Variants in CERS6 observed in about 807,000 individuals in gnomAD.
CERS6 encodes LAG1 homolog, ceramide synthase 6.
In CERS6, 26 loss-of-function variants were observed where a neutral mutation model predicts 56.8. That is an observed-to-expected ratio of 0.46 (90% CI 0.34 to 0.63). The LOEUF is 0.63. Among genes scored for constraint, CERS6 ranks in the 30% least tolerant of loss-of-function variants. The pLI is 0.01. For missense variants in CERS6, 415 were observed against 467.5 expected, an observed-to-expected ratio of 0.89 and a Z score of 1.04; for synonymous variants, 164 against 173.3, an observed-to-expected ratio of 0.95 and a Z score of 0.42.
At chr2:168,641,830 C>T (rs893240409) in intron 4 of CERS6, among the ~76,000 whole-genome samples, 5 of 151,726 alleles carry the variant, frequency 3.3e-5, no homozygotes, top group African/African-American at 4.8e-5. Context: ...CCTCATACCC[C>T]GCATGAATCT....
intron 8 of CERS6, among the ~76,000 whole-genome samples, chr2:168,760,762 A>ATTTTTTTTTTT (rs869287261): frequency 8.7e-5 from 11 of 125,780 alleles, no homozygotes; most frequent in African/African-American, 2.9e-4. Flanking sequence ...TTATTTATTT[A>ATTTTTTTTTTT]TTTATTTTTT....
At chr2:168,463,738 T>C (rs1693818966) in intron 1 of CERS6, among the ~76,000 whole-genome samples, 1 of 152,040 alleles carries the variant, frequency 6.6e-6, no homozygotes, top group African/African-American at 2.4e-5. Flanking sequence ...CAAAACCCCG[T>C]CTTTACAAAA....
chr2:168,737,474 T>C (rs1283891955), intron 8 of CERS6, among the ~76,000 whole-genome samples: 1 of 152,226 alleles, frequency 6.6e-6, no homozygotes, highest in African/African-American at 2.4e-5. Flanking sequence ...CATGGGAAAT[T>C]CATTAGGGGT....
At chr2:168,565,096 A>G (rs717037) in intron 3 of CERS6, among the ~76,000 whole-genome samples, 7,183 of 152,298 alleles carry the variant, frequency 0.047, 566 homozygotes, top group African/African-American at 0.16. Flanking sequence ...CTCCATGACA[A>G]TTTTAAAGAC....
At chr2:168,681,225 C>T (rs952314885) in intron 4 of CERS6, among the ~76,000 whole-genome samples, 11 of 152,214 alleles carry the variant, frequency 7.2e-5, no homozygotes, top group Non-Finnish European at 1.5e-5. Context: ...TATCACTCTA[C>T]TGAGTGCAAG....
intron 8 of CERS6, among the ~76,000 whole-genome samples, chr2:168,752,661 G>A (rs1684308129): frequency 6.6e-6 from 1 of 152,166 alleles, no homozygotes; most frequent in African/African-American, 2.4e-5. Context: ...CTTGCTAAGC[G>A]ATCTCCGTAG....
At chr2:168,648,253 TATGTGTCCAGAAGAG>T (rs1480866330) in intron 4 of CERS6, among the ~76,000 whole-genome samples, 1 of 152,088 alleles carries the variant, frequency 6.6e-6, no homozygotes, top group Non-Finnish European at 1.5e-5. Flanking sequence ...TTGGCGGGTA[TATGTGTCCAGAAGAG>T]ATGTGTCCAT....
chr2:168,486,225 C>T (rs763197714), intron 1 of CERS6, among the ~76,000 whole-genome samples: 6 of 152,078 alleles, frequency 3.9e-5, no homozygotes, highest in Non-Finnish European at 8.8e-5. Context: ...GAGTTCTTTG[C>T]ATATTTTGGA....
intron 4 of CERS6, among the ~76,000 whole-genome samples, chr2:168,651,420 G>A (rs1217174836): frequency 6.6e-6 from 1 of 152,158 alleles, no homozygotes; most frequent in African/African-American, 2.4e-5. Context: ...AAGCAAAGGG[G>A]AAATAGAAGA....
At chr2:168,605,908 G>C (rs746045920) in intron 3 of CERS6, among the ~76,000 whole-genome samples, 1 of 152,220 alleles carries the variant, frequency 6.6e-6, no homozygotes, top group African/African-American at 2.4e-5. Context: ...AGCCCTCATG[G>C]AGAACCTGTA....
At chr2:168,678,529 A>G (rs1378314408) in intron 4 of CERS6, among the ~76,000 whole-genome samples, 3 of 152,200 alleles carry the variant, frequency 2.0e-5, no homozygotes, top group South Asian at 4.1e-4. Context: ...CTCTACCTTC[A>G]TAATATGTTT....
intron 3 of CERS6, among the ~76,000 whole-genome samples, chr2:168,584,855 A>G (rs1683503737): frequency 6.6e-6 from 1 of 152,242 alleles, no homozygotes; most frequent in Non-Finnish European, 1.5e-5. Flanking sequence ...AGTAGTTAAG[A>G]GCAAGGCTTG....
At chr2:168,567,378 A>C (rs1429398668) in intron 3 of CERS6, among the ~76,000 whole-genome samples, 1 of 152,228 alleles carries the variant, frequency 6.6e-6, no homozygotes, top group Admixed American at 6.5e-5. Context: ...AATGGCCATG[A>C]AATAAATATT....
chr2:168,488,771 CACTCT>C (rs1694317899), intron 1 of CERS6, among the ~76,000 whole-genome samples: 2 of 152,042 alleles, frequency 1.3e-5, no homozygotes, highest in Non-Finnish European at 2.9e-5. Flanking sequence ...AAAACTTTCA[CACTCT>C]ACTCAAGAGT....
At chr2:168,641,595 C>A (rs1357074605) in intron 4 of CERS6, among the ~76,000 whole-genome samples, 1 of 152,148 alleles carries the variant, frequency 6.6e-6, no homozygotes, top group Non-Finnish European at 1.5e-5. Flanking sequence ...CATTGAACAC[C>A]TATAATGTTA....
At chr2:168,577,356 A>G (rs557881859) in intron 3 of CERS6, among the ~76,000 whole-genome samples, 30 of 152,300 alleles carry the variant, frequency 2.0e-4, no homozygotes, top group African/African-American at 7.0e-4. Flanking sequence ...TGCCAAGAGC[A>G]GTTTGGGTGG....
chr2:168,580,067 C>T (rs1683371776), intron 3 of CERS6, among the ~76,000 whole-genome samples: 1 of 152,124 alleles, frequency 6.6e-6, no homozygotes. Flanking sequence ...AACAAGTATT[C>T]CCAAACACTA....
At chr2:168,739,875 A>G (rs766973443) in intron 8 of CERS6, among the ~76,000 whole-genome samples, 12 of 151,694 alleles carry the variant, frequency 7.9e-5, no homozygotes, top group Non-Finnish European at 1.6e-4. Flanking sequence ...GCGCACACCT[A>G]ATTTTTGTAT....
intron 1 of CERS6, among the ~76,000 whole-genome samples, chr2:168,458,360 A>G (rs1458599365): frequency 6.6e-6 from 1 of 152,230 alleles, no homozygotes; most frequent in Non-Finnish European, 1.5e-5. Context: ...CTCTATGCTG[A>G]TTCCAGGCTG....
Sources: allele counts gnomAD v4.1 joint callset (sites outside exome capture counted in the v4.1 genomes callset), GRCh38; gene constraint gnomAD v4.1.1; transcripts MANE v1.5; gene names NCBI Gene and HGNC (gene_info 2026-07-23, HGNC 2026-07-21).